The following VWA3B variants were observed in gnomAD, a reference collection of about 807,000 sequenced individuals.
VWA3B encodes von Willebrand factor A domain-containing protein 3B.
A neutral mutation model predicts 158.3 loss-of-function variants in VWA3B; 138 were observed. That is an observed-to-expected ratio of 0.87 (90% CI 0.76 to 1.00). The LOEUF (loss-of-function observed/expected upper bound fraction) is 1.00. VWA3B is among the 50% of genes least tolerant of loss of function. VWA3B has a pLI of 0.00. For missense variants in VWA3B, 1,555 were observed against 1,565.1 expected (o/e 0.99, Z 0.11); for synonymous variants, 596 against 587.3 (o/e 1.01, Z -0.21).
chr2:98,276,515 AC>A (rs1288730723), intron 22 of VWA3B, among the ~76,000 whole-genome samples: 16 of 152,152 alleles, frequency 1.1e-4, no homozygotes, highest in Admixed American at 1.0e-3. Context: ...ATCATTAAGC[AC>A]CCCCATGAGC....
At chr2:98,204,051 T>G (rs1259317372) in intron 12 of VWA3B, among the ~76,000 whole-genome samples, 2 of 152,248 alleles carry the variant, frequency 1.3e-5, no homozygotes, top group Non-Finnish European at 2.9e-5. Flanking sequence ...ATAGGTTATG[T>G]GCAAATACTA....
chr2:98,273,516 G>A (rs77190488), intron 22 of VWA3B, among the ~76,000 whole-genome samples: 5,908 of 152,304 alleles, frequency 0.039, 168 homozygotes, highest in Middle Eastern at 0.075. Flanking sequence ...TTCCTCGCCT[G>A]CATGCCCTGT....
chr2:98,162,276 T>C (rs796231671), intron 7 of VWA3B, among the ~76,000 whole-genome samples: 38 of 152,034 alleles, frequency 2.5e-4, no homozygotes, highest in African/African-American at 8.0e-4. Context: ...CTTCGATTGA[T>C]TGAAAGACAT....
At chr2:98,297,608 T>C (rs1689885653) in intron 23 of VWA3B, among the ~76,000 whole-genome samples, 1 of 152,316 alleles carries the variant, frequency 6.6e-6, no homozygotes, top group South Asian at 2.1e-4. Flanking sequence ...AGGATCTTTA[T>C]TTCCAGGACC....
chr2:98,295,576 G>C (rs537687326), intron 23 of VWA3B, among the ~76,000 whole-genome samples: 1 of 152,288 alleles, frequency 6.6e-6, no homozygotes, highest in South Asian at 2.1e-4. Flanking sequence ...CCAGAGGAGG[G>C]GAGGCAGTGG....
chr2:98,181,335 G>A (rs2105351732), intron 9 of VWA3B, 123 bp downstream of exon 9: 6 of 1,041,140 alleles, frequency 5.8e-6, no homozygotes, highest in Non-Finnish European at 8.4e-6. Flanking sequence ...TTGGGTTTCT[G>A]TGAAGAACAG....
chr2:98,103,076 T>C (rs1244106612), intron 2 of VWA3B, among the ~76,000 whole-genome samples: 8 of 152,220 alleles, frequency 5.3e-5, no homozygotes, highest in Admixed American at 2.0e-4. Flanking sequence ...TTAATGCATG[T>C]AGGATCTGTA....
At position 98,154,692 on chromosome 2, in the gene VWA3B, A is replaced by G. The variant is rs539582996; in HGVS notation, c.989-8159A>G. Among the ~76,000 whole-genome samples, 13 of 152,318 alleles carry G rather than the reference A, an allele frequency of 8.5e-5. No individual in the cohort carries two copies. The East Asian group carries it at 2.1e-3, about 25-fold the overall frequency. ...GAATTGTACTGAAATAATCAAGGGAATCCGGGCATCCTGCATCACCTAACA... is the reference window on the plus strand; with the variant it reads ...GAATTGTACTGAAATAATCAAGGGAGTCCGGGCATCCTGCATCACCTAACA... On this transcript the variant is annotated intron_variant, in intron 7 of 27. Coordinates refer to ENST00000477737, the MANE Select transcript of VWA3B (RefSeq NM_144992.5).
chr2:98,147,178 T>A (rs1266213660), intron 7 of VWA3B, among the ~76,000 whole-genome samples: 1 of 152,190 alleles, frequency 6.6e-6, no homozygotes, highest in Non-Finnish European at 1.5e-5. Flanking sequence ...ACATCAGATA[T>A]CTCCTGATGT....
chr2:98,216,797 G>A (rs1337975834), intron 13 of VWA3B: 2 of 531,568 alleles, frequency 3.8e-6, no homozygotes, highest in Admixed American at 4.7e-5. Flanking sequence ...CGTTTAAGGA[G>A]GGAGTATCAG....
intron 20 of VWA3B, among the ~76,000 whole-genome samples, chr2:98,252,933 G>A (rs1686892358): frequency 6.6e-6 from 1 of 152,028 alleles, no homozygotes; most frequent in East Asian, 1.9e-4. Context: ...TTAACATCAA[G>A]TTATTAATAA....
downstream of VWA3B, among the ~76,000 whole-genome samples, chr2:98,317,815 C>G (rs557928835): frequency 6.6e-6 from 1 of 152,170 alleles, no homozygotes; most frequent in Admixed American, 6.5e-5. Context: ...GGCTGTGTCA[C>G]GGGCCATGGT....
intron 24 of VWA3B, among the ~76,000 whole-genome samples, chr2:98,299,567 T>C (rs140708304): frequency 1.3e-5 from 2 of 152,230 alleles, no homozygotes; most frequent in African/African-American, 4.8e-5. Flanking sequence ...TGTACCCTGA[T>C]GATGCAGAAG....
At chr2:98,220,102 T>G (rs1684366265) in intron 14 of VWA3B, among the ~76,000 whole-genome samples, 1 of 136,602 alleles carries the variant, frequency 7.3e-6, no homozygotes, top group Admixed American at 7.8e-5. Flanking sequence ...AGGCAGAGGC[T>G]GCAGTGAGCC....
intron 19 of VWA3B, among the ~76,000 whole-genome samples, chr2:98,237,259 C>T (rs543698575): frequency 7.2e-5 from 11 of 152,242 alleles, no homozygotes; most frequent in South Asian, 2.1e-4. Flanking sequence ...TCGTTGCTAA[C>T]GGATAGAAGT....
chr2:98,136,786 CT>C (rs1676319461), intron 7 of VWA3B, among the ~76,000 whole-genome samples: 1 of 152,148 alleles, frequency 6.6e-6, no homozygotes, highest in African/African-American at 2.4e-5. Context: ...ATTCAAATCA[CT>C]GCACCCCATT....
chr2:98,267,231 A>T (rs1321943566), intron 21 of VWA3B, among the ~76,000 whole-genome samples: 3 of 151,626 alleles, frequency 2.0e-5, no homozygotes, highest in Non-Finnish European at 4.4e-5. Context: ...ATCAATACCT[A>T]ATTTATTGAG....
intron 7 of VWA3B, among the ~76,000 whole-genome samples, chr2:98,147,682 T>A (rs1292237657): frequency 1.3e-5 from 2 of 152,144 alleles, no homozygotes; most frequent in Non-Finnish European, 2.9e-5. Context: ...TTATCTTTTT[T>A]GGGGTGTATT....
chr2:98,254,186 T>C (rs1686971127), intron 20 of VWA3B, among the ~76,000 whole-genome samples: 1 of 152,154 alleles, frequency 6.6e-6, no homozygotes. Context: ...CACTTAATCC[T>C]CTCAAGGATT....
Sources: allele counts gnomAD v4.1 joint callset (sites outside exome capture counted in the v4.1 genomes callset), GRCh38; gene constraint gnomAD v4.1.1; transcripts MANE v1.5; gene names NCBI Gene and HGNC (gene_info 2026-07-23, HGNC 2026-07-21).